Variants in H1-10 observed in about 807,000 individuals in gnomAD.
H1-10 encodes H1.10 linker histone.
For missense variants in H1-10, 307 were observed against 297.9 expected, an observed-to-expected ratio of 1.03 and a Z score of -0.22; for synonymous variants, 191 against 140.9, an observed-to-expected ratio of 1.36 and a Z score of -2.52.
Position 129,315,489 on chromosome 3 carries a change from GGCCGGGGCGGTGGCGGCC to G in H1-10, c.396_413del (p.Ala133_Ala138del), listed in dbSNP as rs753465562. The stretch of plus-strand genomic sequence containing the variant: ...CCTTCTTCGCTTTGTGCGCGGTGGG[GGCCGGGGCGGTGGCGGCC>G]GCCGGGGCTCCGCGCCGCTCCCCGC... On this transcript the variant is annotated inframe_deletion, in exon 1 of 1. Transcript: ENST00000333762. The G allele has an allele frequency of 9.8e-6, 15 of 1,527,432 alleles. No individual in the cohort carries two copies. The highest frequency in any genetic ancestry group is 1.3e-5 in the Non-Finnish European group (15 of 1,141,526). 94.6% of individuals were successfully genotyped at this position (1,527,432 alleles called of 1,614,324 possible). A position where few individuals can be genotyped will look rare whatever the true frequency, so the allele number is the denominator to read the frequency against.
At position 129,315,600 on chromosome 3, in the gene H1-10, C is replaced by G. The variant is rs1348912672; in HGVS notation, c.303G>C (p.Thr101=). ...YSIKALVQND[T]LLQVKGTGAN... ...CGCCGGTGCCCTTCACCTGCAGAAG[C>G]GTGTCGTTCTGCACCAGCGCCTTGA... The change falls in exon 1 of 1, where the codon ACG becomes ACC. Residue 101 remains threonine, a synonymous_variant. Transcript: ENST00000333762. 1 of 1,560,816 alleles carries G rather than the reference C, an allele frequency of 6.4e-7. No homozygotes were observed. Among genetic ancestry groups the G allele is most frequent in the African/African-American group, 1.4e-5 (1 of 73,314 alleles).
chr3:129,315,834 C>T lies in H1-10; in HGVS notation c.69G>A (p.Lys23=). 2.5e-6 allele frequency: 4 copies of T among 1,603,246 alleles called. No individual in the cohort carries two copies. Among genetic ancestry groups the T allele is most frequent in the Non-Finnish European group, 2.6e-6 (3 of 1,175,518 alleles). ...GGGACAACGCCGCCGAGCCGCCAGC[C>T]TTGGTCACCTTCTTGGCCATTCCCT... ...TAEGMAKKVT[K]AGGSAALSPS... is the part of the protein sequence containing the mutation. The change falls in exon 1 of 1, where the codon AAG becomes AAA. Residue 23 remains lysine, a synonymous_variant. Coordinates refer to ENST00000333762, the MANE Select transcript of H1-10 (RefSeq NM_006026.4).
At position 129,315,423 on chromosome 3, in the gene H1-10, C is replaced by T. The variant is rs1355361563; in HGVS notation, c.480G>A (p.Lys160=). The T allele has an allele frequency of 2.0e-6, 3 of 1,488,826 alleles. No homozygotes were observed. Among genetic ancestry groups the T allele is most frequent in the South Asian group, 1.3e-5 (1 of 75,722 alleles). The allele number at this position is 1,488,826 out of a possible 1,614,324, so 92.2% of individuals were successfully genotyped here. A position where few individuals can be genotyped will look rare whatever the true frequency, so the allele number is the denominator to read the frequency against. Residue 160 remains lysine, a synonymous_variant, in exon 1 of 1, where the codon AAG becomes AAA. Transcript: ENST00000333762. Reference sequence around the variant, plus strand: ...GCTCCGGCTTCTGGCCCCTGGCGGGCTTCTTGTCCGCGCGCCGGGAGCCGG... The same window carrying T: ...GCTCCGGCTTCTGGCCCCTGGCGGGTTTCTTGTCCGCGCGCCGGGAGCCGG... ...GAAGSRRADK[K]PARGQKPEQR...
Position 129,315,094 on chromosome 3 carries a change from A to G in H1-10, c.*167T>C. 1 of 468,652 alleles carries G rather than the reference A, an allele frequency of 2.1e-6. No homozygotes were observed. Among genetic ancestry groups the G allele is most frequent in the East Asian group, 3.6e-5 (1 of 28,020 alleles). The allele number at this position is 468,652 out of a possible 1,614,324, so 29.0% of individuals were successfully genotyped here. On this transcript the variant is annotated 3_prime_UTR_variant, in exon 1 of 1. Coordinates refer to ENST00000333762, the MANE Select transcript of H1-10 (RefSeq NM_006026.4). Reference sequence around the variant, plus strand: ...TAAAGCAAACAACGAAAAACGCTACATCGTTGGGGGAGGGGAAAGACTGAG... The same window carrying G: ...TAAAGCAAACAACGAAAAACGCTACGTCGTTGGGGGAGGGGAAAGACTGAG...
Position 129,315,862 on chromosome 3 carries a change from G to C in H1-10, c.41C>G (p.Ala14Gly), listed in dbSNP as rs1196326936. Residue 14 changes from alanine (A) to glycine (G), a missense_variant, in exon 1 of 1, where the codon GCC (alanine) becomes GGC (glycine). Physicochemically the swap from Ala to Gly is moderately conservative, Grantham distance 60. Transcript: ENST00000333762. ...GGTCACCTTCTTGGCCATTCCCTCG[G>C]CGGTCGTCACTGGCAGGGCCTCCTC... ...ELEEALPVTT[A>G]EGMAKKVTKA... The C allele has an allele frequency of 6.3e-7, 1 of 1,598,690 alleles. No individual in the cohort carries two copies. The highest frequency in any genetic ancestry group is 8.5e-7 in the Non-Finnish European group (1 of 1,173,206).
In H1-10 at chr3:129,315,190, C is replaced by G. The variant is rs1577001398; in HGVS notation, c.*71G>C. On this transcript the variant is annotated 3_prime_UTR_variant, in exon 1 of 1. Coordinates refer to ENST00000333762, the MANE Select transcript of H1-10 (RefSeq NM_006026.4). ...CCGGCCGGCGTGAGCCGTACAAAAT[C>G]TACGTCACTTGGGGTAGAAAAACAA... 1 of 1,248,512 alleles carries G rather than the reference C, an allele frequency of 8.0e-7. No homozygotes were observed. The highest frequency in any genetic ancestry group is 1.6e-5 in the African/African-American group (1 of 64,222). 77.3% of individuals were successfully genotyped at this position (1,248,512 alleles called of 1,614,324 possible). A position where few individuals can be genotyped will look rare whatever the true frequency, so the allele number is the denominator to read the frequency against.
At position 129,315,334 on chromosome 3, in the gene H1-10, G is replaced by A. The variant is rs774541988; in HGVS notation, c.569C>T (p.Ala190Val). Residue 190 changes from alanine to valine, a missense_variant, in exon 1 of 1, where the codon GCG (alanine) becomes GTG (valine). Ala to Val is a moderately conservative substitution (Grantham distance 64). Coordinates refer to ENST00000333762, the MANE Select transcript of H1-10 (RefSeq NM_006026.4). ...CTTCACCTTCTTGCCCCCGGCGGCCGCCGTCTTCTTGGCCTTGCCGCCTTT... is the reference window on the plus strand; with the variant it reads ...CTTCACCTTCTTGCCCCCGGCGGCCACCGTCTTCTTGGCCTTGCCGCCTTT... ...KDKGGKAKKTAAAGGKKVKKA... is the reference protein window; with the variant it reads ...KDKGGKAKKTVAAGGKKVKKA... 5.9e-6 allele frequency: 9 copies of A among 1,517,154 alleles called. No individual in the cohort carries two copies. The African/African-American group carries it at 7.1e-5, about 12-fold the overall frequency. The allele number at this position is 1,517,154 out of a possible 1,614,324, so 94.0% of individuals were successfully genotyped here.
Position 129,315,589 on chromosome 3 carries a change from A to G in H1-10, c.314T>C (p.Val105Ala). 6.4e-7 allele frequency: 1 copy of G among 1,555,210 alleles called. No homozygotes were observed. Among genetic ancestry groups the G allele is most frequent in the Non-Finnish European group, 8.7e-7 (1 of 1,150,210 alleles). The change falls in exon 1 of 1, where the codon GTG becomes GCG. Residue 105 changes from valine to alanine, a missense_variant. Coordinates refer to ENST00000333762, the MANE Select transcript of H1-10 (RefSeq NM_006026.4). ...ALVQNDTLLQ[V>A]KGTGANGSFK... is the part of the protein sequence containing the mutation. The stretch of plus-strand genomic sequence containing the variant: ...GGAACCGTTGGCGCCGGTGCCCTTC[A>G]CCTGCAGAAGCGTGTCGTTCTGCAC...
In H1-10 at chr3:129,315,246, G is replaced by C; in HGVS notation, c.*15C>G. The stretch of plus-strand genomic sequence containing the variant: ...CCGAAAAGCCCACGCCGGCCGCTCT[G>C]ACCGGCCGACACGCTCACTTGCGGC... On this transcript the variant is annotated 3_prime_UTR_variant, in exon 1 of 1. Coordinates refer to ENST00000333762, the MANE Select transcript of H1-10 (RefSeq NM_006026.4). 1 of 1,361,480 alleles carries C rather than the reference G, an allele frequency of 7.3e-7. No individual in the cohort carries two copies. The highest frequency in any genetic ancestry group is 9.4e-7 in the Non-Finnish European group (1 of 1,059,654). 84.3% of individuals were successfully genotyped at this position (1,361,480 alleles called of 1,614,324 possible). A position where few individuals can be genotyped will look rare whatever the true frequency, so the allele number is the denominator to read the frequency against.
Position 129,315,322 on chromosome 3 carries a change from C to A in H1-10, c.581G>T (p.Gly194Val). The A allele has an allele frequency of 6.6e-7, 1 of 1,509,962 alleles. No individual in the cohort carries two copies. Among genetic ancestry groups the A allele is most frequent in the South Asian group, 1.3e-5 (1 of 79,702 alleles). The allele number at this position is 1,509,962 out of a possible 1,614,324, so 93.5% of individuals were successfully genotyped here. A position where few individuals can be genotyped will look rare whatever the true frequency, so the allele number is the denominator to read the frequency against. ...GKAKKTAAAG[G>V]KKVKKAAKPS... The stretch of plus-strand genomic sequence containing the variant: ...CTTGGCCGCCTTCTTCACCTTCTTG[C>A]CCCCGGCGGCCGCCGTCTTCTTGGC... Residue 194 changes from glycine (G) to valine (V), a missense_variant, in exon 1 of 1, where the codon GGC becomes GTC. Coordinates refer to ENST00000333762, the MANE Select transcript of H1-10 (RefSeq NM_006026.4).
At position 129,315,476 on chromosome 3, in the gene H1-10, T is replaced by C; in HGVS notation, c.427A>G (p.Lys143Glu). The change falls in exon 1 of 1, where the codon AAA (lysine) becomes GAA (glutamate). Residue 143 changes from lysine (K) to glutamate (E), a missense_variant. By Grantham distance (56) the Lys-to-Glu change is moderately conservative (BLOSUM62 1). Coordinates refer to ENST00000333762, the MANE Select transcript of H1-10 (RefSeq NM_006026.4). ...GCGCCCGGGGCTGCCTTCTTCGCTT[T>C]GTGCGCGGTGGGGGCCGGGGCGGTG... The part of the protein sequence containing the change: ...AATAPAPTAH[K>E]AKKAAPGAAG... The C allele has an allele frequency of 1.3e-6, 2 of 1,500,286 alleles. No individual in the cohort carries two copies. The highest frequency in any genetic ancestry group is 1.8e-6 in the Non-Finnish European group (2 of 1,131,598). The allele number at this position is 1,500,286 out of a possible 1,614,324, so 92.9% of individuals were successfully genotyped here. A position where few individuals can be genotyped will look rare whatever the true frequency, so the allele number is the denominator to read the frequency against.
Position 129,315,769 on chromosome 3 carries a change from G to C in H1-10, c.134C>G (p.Pro45Arg). The change falls in exon 1 of 1, where the codon CCG becomes CGG. Residue 45 changes from proline (P) to arginine (R), a missense_variant. Coordinates refer to ENST00000333762, the MANE Select transcript of H1-10 (RefSeq NM_006026.4). ...KRKNSKKKNQ[P>R]GKYSQLVVET... Reference sequence around the variant, plus strand: ...CACCACCAGCTGGCTGTACTTGCCCGGCTGGTTCTTCTTCTTGCTATTCTT... The same window carrying C: ...CACCACCAGCTGGCTGTACTTGCCCCGCTGGTTCTTCTTCTTGCTATTCTT... The C allele has an allele frequency of 6.2e-7, 1 of 1,603,136 alleles. No individual in the cohort carries two copies. Among genetic ancestry groups the C allele is most frequent in the Non-Finnish European group, 8.5e-7 (1 of 1,175,548 alleles).
chr3:129,315,371 C>A lies in H1-10; in HGVS notation c.532G>T (p.Ala178Ser). The change falls in exon 1 of 1, where the codon GCC becomes TCC. Residue 178 changes from alanine to serine, a missense_variant. Ala to Ser is a moderately conservative substitution (Grantham distance 99). Transcript: ENST00000333762. ...GCCTTGCCGCCTTTGTCCTTCTTGG[C>A]GCCAGCGCCCTTCTTGTGCGAGCGC... is the stretch of plus-strand genomic sequence containing the variant. ...EQRSHKKGAG[A>S]KKDKGGKAKK... The A allele has an allele frequency of 6.5e-7, 1 of 1,544,998 alleles. No individual in the cohort carries two copies. Among genetic ancestry groups the A allele is most frequent in the Non-Finnish European group, 8.7e-7 (1 of 1,151,756 alleles).
In H1-10 at chr3:129,315,097, G is replaced by T; in HGVS notation, c.*164C>A. ...AGCAAACAACGAAAAACGCTACATC[G>T]TTGGGGGAGGGGAAAGACTGAGAGG... On this transcript the variant is annotated 3_prime_UTR_variant, in exon 1 of 1. Transcript: ENST00000333762. 2 of 479,684 alleles carry T rather than the reference G, an allele frequency of 4.2e-6. No homozygotes were observed. The highest frequency in any genetic ancestry group is 2.2e-4 in the South Asian group (2 of 8,906). The allele number at this position is 479,684 out of a possible 1,614,324, so 29.7% of individuals were successfully genotyped here. A position where few individuals can be genotyped will look rare whatever the true frequency, so the allele number is the denominator to read the frequency against.
Position 129,316,220 on chromosome 3 carries a change from G to A in H1-10, c.-318C>T, listed in dbSNP as rs1285207875. On this transcript the variant is annotated 5_prime_UTR_variant, in exon 1 of 1. Coordinates refer to ENST00000333762, the MANE Select transcript of H1-10 (RefSeq NM_006026.4). ...GGAGCGAAGAGAAATCCCGCCGAAC[G>A]CGAGACACCGCCGCCGCAGCTTCCA... 1 of 165,706 alleles carries A rather than the reference G, an allele frequency of 6.0e-6. No individual in the cohort carries two copies. The highest frequency in any genetic ancestry group is 2.4e-5 in the African/African-American group (1 of 41,450). The allele number at this position is 165,706 out of a possible 1,614,324, so 10.3% of individuals were successfully genotyped here.
Position 129,315,135 on chromosome 3 carries a change from T to C in H1-10, c.*126A>G. ...AAAGACTGAGAGGACCCGGGGCCCC[T>C]CCCTGAGGCTCAGACCAGGCCTCGC... On this transcript the variant is annotated 3_prime_UTR_variant, in exon 1 of 1. Coordinates refer to ENST00000333762, the MANE Select transcript of H1-10 (RefSeq NM_006026.4). 1 of 794,280 alleles carries C rather than the reference T, an allele frequency of 1.3e-6. No individual in the cohort carries two copies. The highest frequency in any genetic ancestry group is 1.7e-6 in the Non-Finnish European group (1 of 586,776). The allele number at this position is 794,280 out of a possible 1,614,324, so 49.2% of individuals were successfully genotyped here. A position where few individuals can be genotyped will look rare whatever the true frequency, so the allele number is the denominator to read the frequency against.
chr3:129,315,533 C>T lies in H1-10; in HGVS notation c.370G>A (p.Gly124Ser), dbSNP rs2071295038. The change falls in exon 1 of 1, where the codon GGC (glycine) becomes AGC (serine). Residue 124 changes from glycine (G) to serine (S), a missense_variant. Transcript: ENST00000333762. ...GCCGGGGCTCCGCGCCGCTCCCCGC[C>T]GCCCTCCAGCTTCTTGCGGTTGAGC... ...FKLNRKKLEG[G>S]GERRGAPAAA... 6.5e-7 allele frequency: 1 copy of T among 1,541,322 alleles called. No homozygotes were observed. Among genetic ancestry groups the T allele is most frequent in the Non-Finnish European group, 8.7e-7 (1 of 1,145,586 alleles).
rs557823733 is a variant in H1-10 at position 129,316,219 on chromosome 3, C to G, written c.-317G>C. On this transcript the variant is annotated 5_prime_UTR_variant, in exon 1 of 1. Coordinates refer to ENST00000333762, the MANE Select transcript of H1-10 (RefSeq NM_006026.4). ...CGGAGCGAAGAGAAATCCCGCCGAA[C>G]GCGAGACACCGCCGCCGCAGCTTCC... 6.0e-6 allele frequency: 1 copy of G among 165,696 alleles called. No individual in the cohort carries two copies. The highest frequency in any genetic ancestry group is 6.5e-5 in the Admixed American group (1 of 15,306). The allele number at this position is 165,696 out of a possible 1,614,324, so 10.3% of individuals were successfully genotyped here.
rs774613358 is a variant in H1-10, at chr3:129,315,277, G to A, written c.626C>T (p.Pro209Leu). The A allele has an allele frequency of 4.2e-6, 6 of 1,440,280 alleles. No individual in the cohort carries two copies. Among genetic ancestry groups the A allele is most frequent in the Non-Finnish European group, 5.5e-6 (6 of 1,097,920 alleles). The allele number at this position is 1,440,280 out of a possible 1,614,324, so 89.2% of individuals were successfully genotyped here. The change falls in exon 1 of 1, where the codon CCC becomes CTC. Residue 209 changes from proline (P) to leucine (L), a missense_variant. Pro to Leu is a moderately conservative substitution (Grantham distance 98). Coordinates refer to ENST00000333762, the MANE Select transcript of H1-10 (RefSeq NM_006026.4). ...KAAKPSVPKV[P>L]KGRK ...CCGACACGCTCACTTGCGGCCCTTG[G>A]GCACTTTGGGGACGCTGGGCTTGGC...
Sources: gnomAD v4.1 joint callset for allele counts on GRCh38, gnomAD v4.1.1 for gene constraint, MANE v1.5 for transcripts, NCBI Gene and HGNC (gene_info 2026-07-23, HGNC 2026-07-21) for gene names.